LAMA4: variants seen among roughly 807,000 people sequenced by gnomAD.
LAMA4 encodes laminin subunit alpha 4.
LAMA4 carries 127 observed loss-of-function variants against 207.1 expected under a neutral mutation model. That is an observed-to-expected ratio of 0.61 (90% CI 0.53 to 0.71). The LOEUF is 0.71. Among genes scored for constraint, LAMA4 ranks in the 30% least tolerant of loss-of-function variants. The pLI is 0.00. For synonymous variants in LAMA4, 761 were observed against 816.0 expected (o/e 0.93, Z 1.15); for missense variants, 2,093 against 2,246.5 (o/e 0.93, Z 1.38).
intron 16 of LAMA4, among the ~76,000 whole-genome samples, chr6:112,154,483 C>A (rs1554336438): frequency 6.6e-6 from 1 of 151,732 alleles, no homozygotes. Context: ...CGAAATTGTT[C>A]AAGAAAGAGG....
At position 112,120,678 on chromosome 6, in the gene LAMA4, T is replaced by C. The variant is rs117251910; in HGVS notation, c.4476-206A>G. On this transcript the variant is annotated intron_variant, in intron 32 of 38. Coordinates refer to ENST00000230538, the MANE Select transcript of LAMA4 (RefSeq NM_001105206.3). Reference sequence around the variant, plus strand: ...ATGTAAATTCTTCTCTACTTCCTTATACAACAAGGATGTATCCCACATTTG... The same window carrying C: ...ATGTAAATTCTTCTCTACTTCCTTACACAACAAGGATGTATCCCACATTTG... Among the ~76,000 whole-genome samples the C allele has an allele frequency of 5.3e-3, 805 of 152,374 alleles. 7 individuals are homozygous for C. Among genetic ancestry groups the C allele is most frequent in the Non-Finnish European group, 8.7e-3 (592 of 68,038 alleles).
At chr6:112,165,302 G>C (rs1461398453) in intron 12 of LAMA4, 26 bp from the exon 13 acceptor site, 15 of 1,433,278 alleles carry the variant, frequency 1.0e-5, no homozygotes, top group Non-Finnish European at 1.5e-5. Flanking sequence ...GTAAGGGAGA[G>C]TGAAGTGAAT....
At chr6:112,224,668 T>G (rs1554361783) in intron 2 of LAMA4, among the ~76,000 whole-genome samples, 1 of 151,932 alleles carries the variant, frequency 6.6e-6, no homozygotes, top group African/African-American at 2.4e-5. Flanking sequence ...ATATAAAAAT[T>G]AGCCAGTGGT....
Position 112,108,930 on chromosome 6 carries a change from C to T in LAMA4, c.*507G>A, listed in dbSNP as rs1337048203. ...ACTTCAGCTATAAACCTAAAATATT[C>T]TTCTTATACTGATAGACCAAACAAA... On this transcript the variant is annotated 3_prime_UTR_variant, in exon 39 of 39. Coordinates refer to ENST00000230538, the MANE Select transcript of LAMA4 (RefSeq NM_001105206.3). 6.4e-6 allele frequency: 1 copy of T among 156,690 alleles called. No homozygotes were observed. Among genetic ancestry groups the T allele is most frequent in the African/African-American group, 2.4e-5 (1 of 41,442 alleles). 9.7% of individuals were successfully genotyped at this position (156,690 alleles called of 1,614,324 possible).
chr6:112,243,566 G>T (rs998540516), intron 2 of LAMA4, among the ~76,000 whole-genome samples: 2 of 152,088 alleles, frequency 1.3e-5, no homozygotes, highest in Non-Finnish European at 2.9e-5. Flanking sequence ...AGGGTGATCT[G>T]GTTGTTAGTG....
At position 112,175,473 on chromosome 6, in the gene LAMA4, G is replaced by A. The variant is rs376451323; in HGVS notation, c.1197C>T (p.Asn399=). 20 of 1,614,020 alleles carry A rather than the reference G, an allele frequency of 1.2e-5. No individual in the cohort carries two copies. The highest frequency in any genetic ancestry group is 1.4e-5 in the Non-Finnish European group (17 of 1,179,998). Residue 399 remains asparagine, a synonymous_variant, in exon 11 of 39, where the codon AAC becomes AAT. Transcript: ENST00000230538. ...HDMRDKIQEI[N]NKMLYYGEEH... Reference sequence around the variant, plus strand: ...CTTCCCCATAATAGAGCATCTTGTTGTTGATCTCTGAAAGGAAGAACATGG... The same window carrying A: ...CTTCCCCATAATAGAGCATCTTGTTATTGATCTCTGAAAGGAAGAACATGG...
At chr6:112,172,480 C>T in intron 12 of LAMA4, 131 bp downstream of exon 12, 1 of 833,786 alleles carries the variant, frequency 1.2e-6, no homozygotes, top group South Asian at 1.6e-5. Flanking sequence ...CACCAAAAAA[C>T]ACACCAATAT....
At chr6:112,186,358 C>G (rs1554346664) in intron 8 of LAMA4, among the ~76,000 whole-genome samples, 2 of 152,236 alleles carry the variant, frequency 1.3e-5, no homozygotes. Flanking sequence ...CGTCCATGCT[C>G]TCAATCATTT....
intron 9 of LAMA4, among the ~76,000 whole-genome samples, chr6:112,180,762 T>C (rs1342245299): frequency 1.3e-5 from 2 of 152,196 alleles, no homozygotes; most frequent in Non-Finnish European, 2.9e-5. Flanking sequence ...GGAGAACTTT[T>C]AGTAATTATT....
chr6:112,113,310 C>A (rs1777813759), intron 38 of LAMA4, among the ~76,000 whole-genome samples: 1 of 152,114 alleles, frequency 6.6e-6, no homozygotes. Flanking sequence ...TATGATATGT[C>A]AATTAAAAAC....
Position 112,248,323 on chromosome 6 carries a change from A to AC in LAMA4, c.195+5632dup, listed in dbSNP as rs376657417. The stretch of plus-strand genomic sequence containing the variant: ...AGACCATCCTGGCTAACACGGTGAA[A>AC]CCCGTCTCTACTAAAAATACAAAAA... On this transcript the variant is annotated intron_variant, in intron 2 of 38. Transcript: ENST00000230538. Among the ~76,000 whole-genome samples, 379 of 151,990 alleles carry AC rather than the reference A, an allele frequency of 2.5e-3. 3 individuals carry two copies. The highest frequency in any genetic ancestry group is 7.8e-3 in the African/African-American group (322 of 41,444).
chr6:112,194,969 AT>A (rs1263688392), intron 5 of LAMA4, among the ~76,000 whole-genome samples: 2 of 152,154 alleles, frequency 1.3e-5, no homozygotes, highest in East Asian at 3.8e-4. Context: ...TTGGTTAGTG[AT>A]TTTATTATTT....
chr6:112,165,798 C>T (rs1427659931), intron 12 of LAMA4, among the ~76,000 whole-genome samples: 2 of 152,222 alleles, frequency 1.3e-5, no homozygotes, highest in Non-Finnish European at 2.9e-5. Context: ...AATCTTGCTT[C>T]ATACCTCTCA....
At chr6:112,121,886 T>C (rs1778381994) in intron 32 of LAMA4, 128 bp downstream of exon 32, 1 of 785,262 alleles carries the variant, frequency 1.3e-6, no homozygotes, top group Non-Finnish European at 2.3e-6. Flanking sequence ...AGTGTTTATT[T>C]TGGTGATAAC....
chr6:112,165,542 C>T (rs1384571919), intron 12 of LAMA4, among the ~76,000 whole-genome samples: 1 of 152,264 alleles, frequency 6.6e-6, no homozygotes, highest in Non-Finnish European at 1.5e-5. Context: ...AGAGAGCTAG[C>T]GCCTTAGAGA....
At chr6:112,224,951 T>A (rs1484318168) in intron 2 of LAMA4, among the ~76,000 whole-genome samples, 45 of 150,660 alleles carry the variant, frequency 3.0e-4, no homozygotes, top group Middle Eastern at 6.8e-3. Flanking sequence ...TTTTTTTTTT[T>A]AATTTAATTT....
intron 3 of LAMA4, among the ~76,000 whole-genome samples, chr6:112,210,979 T>C (rs1554356322): frequency 6.6e-6 from 1 of 152,196 alleles, no homozygotes; most frequent in Non-Finnish European, 1.5e-5. Context: ...AAAAGCTCTC[T>C]GGTATCTTTA....
chr6:112,143,966 C>T (rs999871039), intron 19 of LAMA4, among the ~76,000 whole-genome samples: 1 of 152,200 alleles, frequency 6.6e-6, no homozygotes, highest in African/African-American at 2.4e-5. Context: ...GAATAATCTT[C>T]TACATTACGA....
rs782796474 is a variant in LAMA4, at chr6:112,172,743, G to T, written c.1419C>A (p.Val473=). 4.3e-5 allele frequency: 69 copies of T among 1,613,908 alleles called. 1 individual carries two copies. The South Asian group carries it at 4.8e-4, about 11-fold the overall frequency. ...LHNETRTLFP[V]VLEQLDDYNA... is the part of the protein sequence containing the mutation. ...TGTAGTCATCCAGCTGCTCCAGGAC[G>T]ACAGGAAACAGAGTGCGGGTCTCAT... The change falls in exon 12 of 39, where the codon GTC becomes GTA. Residue 473 remains valine, a synonymous_variant. Transcript: ENST00000230538.
Sources: allele counts gnomAD v4.1 joint callset (sites outside exome capture counted in the v4.1 genomes callset), GRCh38; gene constraint gnomAD v4.1.1; transcripts MANE v1.5; gene names NCBI Gene and HGNC (gene_info 2026-07-23, HGNC 2026-07-21).